Variants in PTPRN2 observed in about 807,000 individuals in gnomAD.
PTPRN2 encodes receptor-type tyrosine-protein phosphatase N2.
In PTPRN2, 74 loss-of-function variants were observed where a neutral mutation model predicts 118.8. The ratio of observed to expected loss-of-function variants is 0.62; its 90% CI spans 0.52 to 0.76. PTPRN2 has a LOEUF of 0.76. PTPRN2 is among the 30% of genes least tolerant of loss of function. The pLI is 0.00. For synonymous variants in PTPRN2, 641 were observed against 608.0 expected, an observed-to-expected ratio of 1.05 and a Z score of -0.80; for missense variants, 1,481 against 1,394.4, an observed-to-expected ratio of 1.06 and a Z score of -0.99.
intron 9 of PTPRN2, among the ~76,000 whole-genome samples, chr7:158,119,541 TC>T (rs1816983902): frequency 2.0e-5 from 3 of 151,748 alleles, no homozygotes; most frequent in African/African-American, 7.3e-5. Context: ...TCTACAGTAG[TC>T]CCCCATTAGC....
At position 157,881,852 on chromosome 7, in the gene PTPRN2, G is replaced by A. The variant is rs1796149553; in HGVS notation, c.1788+16821C>T. On this transcript the variant is annotated intron_variant, in intron 12 of 22. Transcript: ENST00000389418. The surrounding 1 kb of genome is among the most constrained non-coding windows in gnomAD (Gnocchi z 4.7). ...TCACAGGAATGAAAGTGAAGGTAAA[G>A]TTTGTGCCTGTAAACTACTAAAGAG... Among the ~76,000 whole-genome samples the A allele has an allele frequency of 6.6e-6, 1 of 152,118 alleles. No individual in the cohort carries two copies. Among genetic ancestry groups the A allele is most frequent in the Admixed American group, 6.5e-5 (1 of 15,274 alleles).
chr7:157,904,684 C>T (rs1372372934), intron 11 of PTPRN2, among the ~76,000 whole-genome samples: 1 of 152,250 alleles, frequency 6.6e-6, no homozygotes. Flanking sequence ...CTTCACGCGG[C>T]CCTGTGTTCC....
At chr7:158,236,518 G>C (rs73746438) in intron 3 of PTPRN2, among the ~76,000 whole-genome samples, 7,357 of 152,264 alleles carry the variant, frequency 0.048, 611 homozygotes, top group African/African-American at 0.17. Context: ...GCGTCTGTGG[G>C]GTGGGGGCAC....
rs201847584 is a variant in PTPRN2, at chr7:157,841,650, CG to C, written c.1788+57022del. 5.3e-5 allele frequency among the ~76,000 whole-genome samples: 8 copies of C among 152,306 alleles called. 1 individual carries two copies. In the East Asian group the frequency reaches 1.3e-3, roughly 26 times the overall value. On this transcript the variant is annotated intron_variant, in intron 12 of 22. Coordinates refer to ENST00000389418, the MANE Select transcript of PTPRN2 (RefSeq NM_002847.5). ...GGGGCCTTTGTGCTTCCTGGCCTGG[CG>C]GACTCTGAGGCTCATGCATTATTCA...
intron 3 of PTPRN2, among the ~76,000 whole-genome samples, chr7:158,205,493 G>C (rs1827059139): frequency 6.6e-6 from 1 of 152,154 alleles, no homozygotes; most frequent in Non-Finnish European, 1.5e-5. Flanking sequence ...TGCATTAATA[G>C]TAATAAAAAG....
At chr7:158,321,849 A>G (rs1803042037) in intron 2 of PTPRN2, among the ~76,000 whole-genome samples, 2 of 152,152 alleles carry the variant, frequency 1.3e-5, no homozygotes. Context: ...TAACTCATAC[A>G]CGCACATAAG....
chr7:158,297,518 T>A (rs1200963401), intron 3 of PTPRN2, among the ~76,000 whole-genome samples: 1 of 152,204 alleles, frequency 6.6e-6, no homozygotes, highest in Non-Finnish European at 1.5e-5. Context: ...CAGAAGCATC[T>A]TGTCTTGGGA....
At chr7:158,085,264 C>T (rs1302249787) in intron 10 of PTPRN2, among the ~76,000 whole-genome samples, 2 of 130,684 alleles carry the variant, frequency 1.5e-5, no homozygotes, top group African/African-American at 3.0e-5. Flanking sequence ...CCCATGACAC[C>T]CATCCACACA....
chr7:158,249,571 C>A (rs1585980961), intron 3 of PTPRN2, among the ~76,000 whole-genome samples: 1 of 150,446 alleles, frequency 6.6e-6, no homozygotes, highest in Non-Finnish European at 1.5e-5. Flanking sequence ...CACACACACA[C>A]CCTGCATGCA....
chr7:158,081,492 C>T, intron 10 of PTPRN2, 115 bp from the exon 11 acceptor site: 1 of 974,882 alleles, frequency 1.0e-6, no homozygotes, highest in Admixed American at 1.9e-5. Context: ...TCCAAGGCCG[C>T]TGTGGCTCCA....
intron 3 of PTPRN2, among the ~76,000 whole-genome samples, chr7:158,242,470 C>T (rs748333166): frequency 2.0e-5 from 3 of 152,160 alleles, no homozygotes; most frequent in South Asian, 2.1e-4. Context: ...CATCTGTGTT[C>T]GTCGGGAATA....
At chr7:157,976,043 C>T (rs1802718548) in intron 11 of PTPRN2, among the ~76,000 whole-genome samples, 1 of 152,238 alleles carries the variant, frequency 6.6e-6, no homozygotes, top group South Asian at 2.1e-4. Context: ...ACAGGGCCCT[C>T]CCTCACCTGA....
chr7:157,581,039 A>G (rs1585059463), intron 17 of PTPRN2, among the ~76,000 whole-genome samples: 2 of 66,228 alleles, frequency 3.0e-5, no homozygotes, highest in Admixed American at 2.1e-4. Context: ...TGCACACCCC[A>G]GCACCTGCAC....
At chr7:158,587,276 GCGTCCCTCCCCC>G in intron 1 of PTPRN2, among the ~76,000 whole-genome samples, 1 of 56,016 alleles carries the variant, frequency 1.8e-5, no homozygotes, top group South Asian at 7.7e-4. Flanking sequence ...ATTCATTGAG[GCGTCCCTCCCCC>G]AGAACCTCTC....
intron 2 of PTPRN2, among the ~76,000 whole-genome samples, chr7:158,416,907 G>A (rs1271463490): frequency 1.3e-5 from 2 of 152,236 alleles, no homozygotes; most frequent in African/African-American, 2.4e-5. Flanking sequence ...ATGTTGGAGG[G>A]CAATCCAGAC....
intron 11 of PTPRN2, among the ~76,000 whole-genome samples, chr7:158,062,501 C>T (rs991317036): frequency 6.6e-6 from 1 of 152,256 alleles, no homozygotes; most frequent in African/African-American, 2.4e-5. Flanking sequence ...CTCACTGCTG[C>T]ACCATGGGAG....
At chr7:157,979,715 T>C (rs1802994968) in intron 11 of PTPRN2, among the ~76,000 whole-genome samples, 2 of 152,176 alleles carry the variant, frequency 1.3e-5, no homozygotes, top group South Asian at 2.1e-4. Flanking sequence ...TGTATTCTGC[T>C]CTCTGCAGGG....
At chr7:158,423,743 T>C (rs575861072) in intron 2 of PTPRN2, among the ~76,000 whole-genome samples, 128 of 128,778 alleles carry the variant, frequency 9.9e-4, no homozygotes, top group Middle Eastern at 8.8e-3. Context: ...ACTCCTGACC[T>C]CAAGTGTTCC....
intron 12 of PTPRN2, among the ~76,000 whole-genome samples, chr7:157,895,985 AG>A (rs1402877615): frequency 6.6e-6 from 1 of 152,078 alleles, no homozygotes; most frequent in African/African-American, 2.4e-5. Context: ...AGAGTCAAGA[AG>A]GGGCCTGAGT....
Sources: gnomAD v4.1 joint callset for allele counts (sites outside exome capture counted in the v4.1 genomes callset) on GRCh38, gnomAD v4.1.1 for gene constraint, Gnocchi (gnomAD v3.1) non-coding constraint, MANE v1.5 for transcripts, NCBI Gene and HGNC (gene_info 2026-07-23, HGNC 2026-07-21) for gene names.